PACC1: variants seen among roughly 807,000 people sequenced by gnomAD.
The protein encoded by PACC1 is proton activated chloride channel 1.
Under a neutral mutation model 39.7 loss-of-function variants are expected in PACC1, and 34 were observed. That is an observed-to-expected ratio of 0.86 (90% CI 0.65 to 1.14). The LOEUF (loss-of-function observed/expected upper bound fraction) is 1.14, where lower values mean the gene tolerates loss of function less well. PACC1 is among the 50% of genes most tolerant of loss of function. The pLI, the probability that PACC1 is intolerant of heterozygous loss-of-function variation, is 0.00. For missense variants in PACC1, 379 were observed against 436.4 expected (o/e 0.87, Z 1.17); for synonymous variants, 127 against 160.6 (o/e 0.79, Z 1.58).
At chr1:212,391,574 G>A (rs547163760) in intron 2 of PACC1, among the ~76,000 whole-genome samples, 6 of 152,270 alleles carry the variant, frequency 3.9e-5, no homozygotes, top group East Asian at 1.9e-4. Flanking sequence ...CACCAGCAAC[G>A]GAACAAAGCT....
At chr1:212,375,454 C>G (rs1311510358) in intron 6 of PACC1, among the ~76,000 whole-genome samples, 154 bp from the exon 7 acceptor site, 1 of 152,152 alleles carries the variant, frequency 6.6e-6, no homozygotes, top group Non-Finnish European at 1.5e-5. Context: ...CTCATATATA[C>G]AAGATCCTGA....
intron 2 of PACC1, among the ~76,000 whole-genome samples, chr1:212,401,217 C>A (rs1661697394): frequency 6.6e-6 from 1 of 152,160 alleles, no homozygotes; most frequent in Admixed American, 6.5e-5. Flanking sequence ...AGAGTGGTTA[C>A]TTCCCCTTTC....
chr1:212,365,050 CCT>C lies in PACC1; in HGVS notation c.*163_*164del. ...GTCTCTTCTATTAGGCTCTACACCG[CCT>C]CTTTTGGGACGGGGTTAGAAGTTCC... On this transcript the variant is annotated 3_prime_UTR_variant, in exon 8 of 8. Coordinates refer to ENST00000261455, the MANE Select transcript of PACC1 (RefSeq NM_018252.3). The C allele has an allele frequency of 1.9e-6, 1 of 535,560 alleles. No individual in the cohort carries two copies. The highest frequency in any genetic ancestry group is 3.8e-5 in the South Asian group (1 of 26,112). The allele number at this position is 535,560 out of a possible 1,614,324, so 33.2% of individuals were successfully genotyped here.
At chr1:212,372,282 CAAAAAAA>C (rs56708545) in intron 7 of PACC1, among the ~76,000 whole-genome samples, 35 of 130,960 alleles carry the variant, frequency 2.7e-4, no homozygotes, top group African/African-American at 8.8e-4. Flanking sequence ...GAAACTGTGT[CAAAAAAA>C]AAAAACAAAA....
chr1:212,397,394 T>C (rs2102522494), intron 2 of PACC1, among the ~76,000 whole-genome samples: 1 of 152,336 alleles, frequency 6.6e-6, no homozygotes, highest in East Asian at 1.9e-4. Flanking sequence ...TCAGTCTGGA[T>C]TAAGAATAAA....
intron 2 of PACC1, among the ~76,000 whole-genome samples, chr1:212,403,224 T>G (rs185493903): frequency 2.0e-5 from 3 of 152,252 alleles, no homozygotes; most frequent in African/African-American, 4.8e-5. Context: ...TATGGAATTA[T>G]GTATTCCAGA....
chr1:212,410,073 T>C, intron 2 of PACC1: 1 of 272,706 alleles, frequency 3.7e-6, no homozygotes, highest in Non-Finnish European at 7.3e-6. Context: ...AGGCCTAGTA[T>C]CTGAAAGAGG....
intron 1 of PACC1, chr1:212,413,940 G>A (rs1380273726): frequency 6.5e-7 from 1 of 1,535,460 alleles, no homozygotes; most frequent in Non-Finnish European, 8.7e-7. Context: ...CACGATGGAG[G>A]GGCACAGAAG....
intron 2 of PACC1, among the ~76,000 whole-genome samples, chr1:212,391,361 C>A (rs949966775): frequency 2.6e-5 from 4 of 152,212 alleles, no homozygotes; most frequent in Non-Finnish European, 4.4e-5. Context: ...CAAACTCCAA[C>A]AGACCTGCAG....
At chr1:212,380,256 G>A (rs1389212622) in intron 4 of PACC1, among the ~76,000 whole-genome samples, 1 of 152,156 alleles carries the variant, frequency 6.6e-6, no homozygotes, top group African/African-American at 2.4e-5. Context: ...CTCATCCTCT[G>A]TCCACTTTTC....
At chr1:212,375,437 C>T in intron 6 of PACC1, 137 bp from the exon 7 acceptor site, 1 of 597,108 alleles carries the variant, frequency 1.7e-6, no homozygotes. Context: ...GAGAGAGTGG[C>T]AAAAATCTCA....
chr1:212,395,047 A>G (rs898254688), intron 2 of PACC1, among the ~76,000 whole-genome samples: 4 of 152,238 alleles, frequency 2.6e-5, no homozygotes, highest in African/African-American at 9.7e-5. Flanking sequence ...ATCCCCATCA[A>G]GCTACCAATG....
intron 2 of PACC1, among the ~76,000 whole-genome samples, chr1:212,388,853 GAGA>G (rs1381550728): frequency 4.6e-5 from 7 of 152,260 alleles, no homozygotes; most frequent in Middle Eastern, 3.4e-3. Flanking sequence ...GGAGCTCCCT[GAGA>G]AGAAGTCCTA....
chr1:212,413,898 C>G (rs1166651010), intron 1 of PACC1: 1 of 1,533,338 alleles, frequency 6.5e-7, no homozygotes, highest in African/African-American at 1.4e-5. Context: ...GAGGACCGAC[C>G]TGGAACTGCC....
chr1:212,395,180 C>A (rs1387339783), intron 2 of PACC1, among the ~76,000 whole-genome samples: 5 of 152,210 alleles, frequency 3.3e-5, no homozygotes, highest in African/African-American at 1.2e-4. Flanking sequence ...TACCTGACTT[C>A]AAACTATACT....
intron 7 of PACC1, among the ~76,000 whole-genome samples, chr1:212,368,043 C>T (rs1288657724): frequency 1.3e-5 from 2 of 152,098 alleles, no homozygotes; most frequent in African/African-American, 4.8e-5. Flanking sequence ...AGACTCCTTC[C>T]CCTTGAGGGA....
chr1:212,412,425 G>A (rs1384420194), intron 1 of PACC1, among the ~76,000 whole-genome samples: 1 of 152,138 alleles, frequency 6.6e-6, no homozygotes, highest in Non-Finnish European at 1.5e-5. Context: ...CAAATTCTCA[G>A]TATATCCCAC....
chr1:212,396,719 A>AC (rs1661534622), intron 2 of PACC1, among the ~76,000 whole-genome samples: 1 of 150,782 alleles, frequency 6.6e-6, no homozygotes, highest in East Asian at 1.9e-4. Context: ...AAAAAAAAAA[A>AC]CCATCCCGAG....
intron 2 of PACC1, among the ~76,000 whole-genome samples, chr1:212,401,721 T>A (rs940716406): frequency 6.9e-6 from 1 of 145,950 alleles, no homozygotes; most frequent in Non-Finnish European, 1.5e-5. Flanking sequence ...TCACCCAGGC[T>A]GGAGTGCAGT....
Sources: gnomAD v4.1 joint callset for allele counts (sites outside exome capture counted in the v4.1 genomes callset) on GRCh38, gnomAD v4.1.1 for gene constraint, MANE v1.5 for transcripts, NCBI Gene and HGNC (gene_info 2026-07-23, HGNC 2026-07-21) for gene names.